The following TBX5 variants were observed in gnomAD, a reference collection of about 807,000 sequenced individuals.
TBX5 encodes T-box transcription factor 5.
Under a neutral mutation model 51.1 loss-of-function variants are expected in TBX5, and 8 were observed. The ratio of observed to expected loss-of-function variants is 0.16; its 90% CI spans 0.09 to 0.28. The LOEUF (loss-of-function observed/expected upper bound fraction) is 0.28, where lower values mean the gene tolerates loss of function less well. Among genes scored for constraint, TBX5 ranks in the 10% least tolerant of loss-of-function variants. The pLI, the probability that TBX5 is intolerant of heterozygous loss-of-function variation, is 1.00. For missense variants in TBX5, 589 were observed against 671.7 expected (o/e 0.88, Z 1.36); for synonymous variants, 302 against 266.4 (o/e 1.13, Z -1.30).
intron 8 of TBX5, among the ~76,000 whole-genome samples, chr12:114,361,949 C>G (rs1013848554): frequency 2.0e-5 from 3 of 152,100 alleles, no homozygotes; most frequent in African/African-American, 4.8e-5. Context: ...AGGGTGCATA[C>G]CCCATTCACC....
At chr12:114,375,796 C>A (rs924150240) in intron 7 of TBX5, among the ~76,000 whole-genome samples, 2 of 152,144 alleles carry the variant, frequency 1.3e-5, no homozygotes, top group African/African-American at 4.8e-5. Context: ...GTCATCCCAG[C>A]ACTTTGGGAG....
At chr12:114,374,126 C>T (rs1158083957) in intron 7 of TBX5, among the ~76,000 whole-genome samples, 1 of 152,212 alleles carries the variant, frequency 6.6e-6, no homozygotes, top group Non-Finnish European at 1.5e-5. Flanking sequence ...GGCAAAGTCA[C>T]CCAAAGCAAC....
intron 7 of TBX5, among the ~76,000 whole-genome samples, chr12:114,380,979 T>C (rs1222534308): frequency 6.6e-6 from 1 of 152,202 alleles, no homozygotes; most frequent in East Asian, 1.9e-4. Flanking sequence ...CACCCTTTAA[T>C]TGGTCTGCTT....
At chr12:114,356,549 G>A (rs757883947) in intron 8 of TBX5, among the ~76,000 whole-genome samples, 4 of 151,998 alleles carry the variant, frequency 2.6e-5, no homozygotes, top group African/African-American at 4.8e-5. Context: ...GGGCAACATA[G>A]TGAGACCCCC....
intron 6 of TBX5, among the ~76,000 whole-genome samples, chr12:114,392,053 A>T (rs1871175172): frequency 6.6e-6 from 1 of 152,152 alleles, no homozygotes. Flanking sequence ...AATACAGAAA[A>T]AAAAGCAATT....
upstream of TBX5, among the ~76,000 whole-genome samples, chr12:114,407,376 G>A (rs936846054): frequency 5.3e-5 from 8 of 152,174 alleles, no homozygotes; most frequent in African/African-American, 1.9e-4. Flanking sequence ...ACCCTAGGCC[G>A]AAGACACGAA....
intron 7 of TBX5, among the ~76,000 whole-genome samples, chr12:114,382,082 G>T (rs535722677): frequency 1.3e-5 from 2 of 152,330 alleles, no homozygotes; most frequent in African/African-American, 4.8e-5. Flanking sequence ...GGCCAAAGAA[G>T]AGTCATCTGC....
At chr12:114,399,692 A>C in intron 3 of TBX5, 60 bp from the exon 4 acceptor site, 2 of 1,612,780 alleles carry the variant, frequency 1.2e-6, no homozygotes, top group Admixed American at 1.7e-5. Context: ...ATTTTAAGGC[A>C]GCCTCCATCC....
chr12:114,359,202 A>G (rs955600336), intron 8 of TBX5, among the ~76,000 whole-genome samples: 5 of 152,188 alleles, frequency 3.3e-5, no homozygotes, highest in East Asian at 3.9e-4. Flanking sequence ...GAAAAACTCA[A>G]TCTTGGCTTA....
upstream of TBX5, chr12:114,408,112 T>C (rs1872341918): frequency 9.1e-6 from 9 of 985,274 alleles, no homozygotes; most frequent in Non-Finnish European, 1.1e-5. Flanking sequence ...ACGTCACGAG[T>C]CACGCAACCG....
At chr12:114,356,949 C>G (rs1366905412) in intron 8 of TBX5, among the ~76,000 whole-genome samples, 1 of 152,124 alleles carries the variant, frequency 6.6e-6, no homozygotes, top group East Asian at 1.9e-4. Context: ...TTGTTTTTCA[C>G]TGTCTTGATA....
chr12:114,370,212 C>T (rs1390311561), intron 7 of TBX5, among the ~76,000 whole-genome samples: 1 of 128,412 alleles, frequency 7.8e-6, no homozygotes, highest in Non-Finnish European at 1.6e-5. Flanking sequence ...GCCTGGATGA[C>T]AAGAGTGAAA....
intron 1 of TBX5, 29 bp from the exon 2 acceptor site, chr12:114,403,965 G>A: frequency 6.3e-7 from 1 of 1,583,894 alleles, no homozygotes; most frequent in Non-Finnish European, 8.5e-7. Context: ...GGGAGATGGG[G>A]GTGGGGAGGA....
At chr12:114,386,909 C>A (rs1332768090) in intron 6 of TBX5, among the ~76,000 whole-genome samples, 1 of 151,034 alleles carries the variant, frequency 6.6e-6, no homozygotes, top group East Asian at 1.9e-4. Flanking sequence ...GCCTGGCCAA[C>A]ATGGTAAAAC....
chr12:114,390,788 T>A (rs573357529), intron 6 of TBX5, among the ~76,000 whole-genome samples: 2 of 152,256 alleles, frequency 1.3e-5, no homozygotes, highest in Non-Finnish European at 2.9e-5. Flanking sequence ...GTGACCTTTT[T>A]TTAACACCTA....
At chr12:114,396,207 C>T (rs1871414879) in intron 5 of TBX5, among the ~76,000 whole-genome samples, 2 of 151,864 alleles carry the variant, frequency 1.3e-5, no homozygotes, top group South Asian at 4.2e-4. Context: ...GACCCCGGGC[C>T]GCGCGTCTCT....
chr12:114,356,424 A>G (rs1355893185), intron 8 of TBX5, among the ~76,000 whole-genome samples: 2 of 152,156 alleles, frequency 1.3e-5, no homozygotes, highest in Non-Finnish European at 2.9e-5. Context: ...TCCAGAGCCC[A>G]GAAACACTCA....
At chr12:114,383,434 C>T (rs1345787433) in intron 7 of TBX5, among the ~76,000 whole-genome samples, 1 of 152,052 alleles carries the variant, frequency 6.6e-6, no homozygotes, top group African/African-American at 2.4e-5. Context: ...AAGGACAAAC[C>T]TAGGGGGGTG....
chr12:114,356,851 C>T (rs377337339), intron 8 of TBX5, among the ~76,000 whole-genome samples: 2 of 152,162 alleles, frequency 1.3e-5, no homozygotes, highest in African/African-American at 2.4e-5. Flanking sequence ...AAAGGACTCA[C>T]GGAGGTTAAG....
Sources: gnomAD v4.1 joint callset for allele counts (sites outside exome capture counted in the v4.1 genomes callset) on GRCh38, gnomAD v4.1.1 for gene constraint, MANE v1.5 for transcripts, NCBI Gene and HGNC (gene_info 2026-07-23, HGNC 2026-07-21) for gene names.